The following SNRPN variants were observed in gnomAD, a reference collection of about 807,000 sequenced individuals.
SNRPN encodes small nuclear ribonucleoprotein-associated protein N.
In SNRPN, 7 loss-of-function variants were observed where a neutral mutation model predicts 25.2. That is an observed-to-expected ratio of 0.28 (90% CI 0.16 to 0.52). The LOEUF is 0.52. Ranked by LOEUF, SNRPN falls within the 20% of genes least tolerant of loss-of-function variation. The pLI, the probability that SNRPN is intolerant of heterozygous loss-of-function variation, is 0.96. For synonymous variants in SNRPN, 124 were observed against 110.6 expected, an observed-to-expected ratio of 1.12 and a Z score of -0.76; for missense variants, 196 against 322.5, an observed-to-expected ratio of 0.61 and a Z score of 3.00.
intron 2 of SNRPN, among the ~76,000 whole-genome samples, chr15:24,903,007 C>A (rs1205648556): frequency 6.6e-6 from 1 of 151,438 alleles, no homozygotes; most frequent in Non-Finnish European, 1.5e-5. Context: ...TCCATTTTTA[C>A]AGAGTGCTGA....
At chr15:24,894,365 C>T (rs2057924747) in intron 2 of SNRPN, among the ~76,000 whole-genome samples, 1 of 152,154 alleles carries the variant, frequency 6.6e-6, no homozygotes, top group African/African-American at 2.4e-5. Context: ...ACTACAGGTG[C>T]CCGCCACCAC....
intron 3 of SNRPN, among the ~76,000 whole-genome samples, chr15:24,947,949 T>A (rs1000645874): frequency 1.3e-5 from 2 of 151,834 alleles, no homozygotes; most frequent in Non-Finnish European, 2.9e-5. Flanking sequence ...TATTTTATTT[T>A]ATTTATTATT....
intron 2 of SNRPN, among the ~76,000 whole-genome samples, chr15:24,842,591 A>C (rs1330243320): frequency 6.6e-6 from 1 of 152,140 alleles, no homozygotes. Context: ...GCATTGAGCA[A>C]AGCTTTAAGG....
intron 2 of SNRPN, among the ~76,000 whole-genome samples, chr15:24,888,198 T>TC (rs1489215113): frequency 2.7e-5 from 4 of 149,812 alleles, no homozygotes; most frequent in African/African-American, 9.8e-5. Context: ...AACCTCCGCC[T>TC]CCCAGGTTCA....
rs888914268 is a variant in SNRPN, at chr15:24,974,946, A to G, written c.4-412A>G. Reference sequence around the variant, plus strand: ...GTGGTGAAGGACTGTCCTGCAGATGATGGACTCTCAGGTCAGATTACAATA... The same window carrying G: ...GTGGTGAAGGACTGTCCTGCAGATGGTGGACTCTCAGGTCAGATTACAATA... On this transcript the variant is annotated intron_variant, in intron 4 of 9. Transcript: ENST00000390687. The G allele has an allele frequency of 1.6e-5, 11 of 702,878 alleles. No individual in the cohort carries two copies. In the African/African-American group the frequency reaches 1.9e-4, roughly 12 times the overall value. 43.5% of individuals were successfully genotyped at this position (702,878 alleles called of 1,614,324 possible). A position where few individuals can be genotyped will look rare whatever the true frequency, so the allele number is the denominator to read the frequency against.
chr15:24,832,050 TG>T (rs2050576045), intron 2 of SNRPN, among the ~76,000 whole-genome samples: 1 of 151,782 alleles, frequency 6.6e-6, no homozygotes, highest in African/African-American at 2.4e-5. Context: ...GTAATTCTAT[TG>T]TTTTTTTTTT....
intron 2 of SNRPN, among the ~76,000 whole-genome samples, chr15:24,907,716 C>T (rs1265420543): frequency 6.6e-6 from 1 of 151,834 alleles, no homozygotes; most frequent in Non-Finnish European, 1.5e-5. Flanking sequence ...AAAATGCTGG[C>T]ACTATAGGCA....
At chr15:24,848,570 T>A (rs569783135) in intron 2 of SNRPN, 1 of 152,324 alleles carries the variant, frequency 6.6e-6, no homozygotes, top group African/African-American at 2.4e-5. Flanking sequence ...TATATAAACA[T>A]TGCAAGAACC....
intron 1 of SNRPN, among the ~76,000 whole-genome samples, chr15:24,958,309 G>T (rs928544838): frequency 6.6e-6 from 1 of 151,246 alleles, no homozygotes; most frequent in Non-Finnish European, 1.5e-5. Flanking sequence ...ATTTAAGCAG[G>T]TTGTGAGTAC....
At chr15:24,879,347 G>T (rs1303124009) in intron 1 of SNRPN, among the ~76,000 whole-genome samples, 1 of 151,774 alleles carries the variant, frequency 6.6e-6, no homozygotes, top group East Asian at 1.9e-4. Flanking sequence ...TGAGGCAGGA[G>T]AATTGCTTGA....
intron 5 of SNRPN, 52 bp from the exon 6 acceptor site, chr15:24,976,253 G>A (rs909015038): frequency 7.7e-7 from 1 of 1,292,346 alleles, no homozygotes; most frequent in Non-Finnish European, 1.1e-6. Context: ...ATATTTTGAT[G>A]AGTGAGTGAT....
At chr15:24,833,687 A>C (rs1199847227) in intron 2 of SNRPN, among the ~76,000 whole-genome samples, 1 of 139,610 alleles carries the variant, frequency 7.2e-6, no homozygotes, top group East Asian at 2.4e-4. Context: ...TAGACCATCA[A>C]GGAGAATGAA....
intron 2 of SNRPN, among the ~76,000 whole-genome samples, chr15:24,848,112 T>C (rs2052366532): frequency 6.6e-6 from 1 of 151,782 alleles, no homozygotes; most frequent in African/African-American, 2.4e-5. Context: ...CCTCACAGCC[T>C]AGGTCCTCCA....
intron 2 of SNRPN, among the ~76,000 whole-genome samples, chr15:24,918,311 CAT>C (rs201064878): frequency 1.1e-4 from 14 of 129,936 alleles, no homozygotes; most frequent in South Asian, 2.5e-4. Flanking sequence ...TATATGCAAA[CAT>C]ATATATATAT....
At chr15:24,971,642 G>A (rs544133787) in intron 3 of SNRPN, among the ~76,000 whole-genome samples, 5 of 152,130 alleles carry the variant, frequency 3.3e-5, no homozygotes, top group Non-Finnish European at 4.4e-5. Context: ...CCTCTGGACC[G>A]CTAAGCTTGT....
chr15:24,887,529 T>G (rs1472820974), intron 2 of SNRPN, among the ~76,000 whole-genome samples: 1 of 151,014 alleles, frequency 6.6e-6, no homozygotes, highest in Non-Finnish European at 1.5e-5. Context: ...TTGGGTTGGG[T>G]GTGGTGGCTC....
At position 24,929,657 on chromosome 15, in the gene SNRPN, C is replaced by T. The variant is rs368511745; in HGVS notation, c.-391+9533C>T. Among the ~76,000 whole-genome samples the T allele has an allele frequency of 2.0e-5, 3 of 151,962 alleles. No homozygotes were observed. Among genetic ancestry groups the T allele is most frequent in the East Asian group, 1.9e-4 (1 of 5,138 alleles). On this transcript the variant is annotated intron_variant, in intron 3 of 11. Transcript: ENST00000400097. The surrounding 1 kb of genome is among the most constrained non-coding windows in gnomAD (Gnocchi z 5.3). ...CCCAGCCAACTCTCTATGGGGCTGCCACACGACTTCCTAAAAAGGCATAAA... is the reference window on the plus strand; with the variant it reads ...CCCAGCCAACTCTCTATGGGGCTGCTACACGACTTCCTAAAAAGGCATAAA...
At chr15:24,868,094 T>C (rs906409689) in intron 1 of SNRPN, among the ~76,000 whole-genome samples, 3 of 150,654 alleles carry the variant, frequency 2.0e-5, no homozygotes, top group Non-Finnish European at 4.4e-5. Context: ...AGTTTGAGTG[T>C]GTGTGCATGT....
chr15:24,835,117 A>C (rs1292289840), intron 2 of SNRPN, among the ~76,000 whole-genome samples: 4 of 59,998 alleles, frequency 6.7e-5, no homozygotes, highest in Non-Finnish European at 1.4e-4. Context: ...CTATATATCT[A>C]TATATAAAAT....
Sources: allele counts gnomAD v4.1 joint callset (sites outside exome capture counted in the v4.1 genomes callset), GRCh38; gene constraint gnomAD v4.1.1; non-coding constraint Gnocchi (gnomAD v3.1); transcripts MANE v1.5; gene names NCBI Gene and HGNC (gene_info 2026-07-23, HGNC 2026-07-21).